Variants in INPP4A observed in about 807,000 individuals in gnomAD.
INPP4A encodes the protein inositol polyphosphate-4-phosphatase, type I, 107kD.
A neutral mutation model predicts 119.8 loss-of-function variants in INPP4A; 33 were observed. The observed-to-expected ratio is 0.28, with a 90% confidence interval of 0.21 to 0.37. The LOEUF (loss-of-function observed/expected upper bound fraction) is 0.37. Among genes scored for constraint, INPP4A ranks in the 10% least tolerant of loss-of-function variants. The pLI is 1.00. For missense variants in INPP4A, 956 were observed against 1,289.9 expected (o/e 0.74, Z 3.97); for synonymous variants, 496 against 500.7 (o/e 0.99, Z 0.12).
rs1700412840 is a variant in INPP4A, at chr2:98,591,709, G to C, written c.*4101G>C. ...CCAGGGAGGCTTTGCGCTGGAGGAAGGTAAGAGGAGCTGGAGGTTGGAGCT... is the reference window on the plus strand; with the variant it reads ...CCAGGGAGGCTTTGCGCTGGAGGAACGTAAGAGGAGCTGGAGGTTGGAGCT... On this transcript the variant is annotated 3_prime_UTR_variant, in exon 25 of 25. Transcript: ENST00000409851. 1 of 152,328 alleles carries C rather than the reference G, an allele frequency of 6.6e-6. No individual in the cohort carries two copies. Among genetic ancestry groups the C allele is most frequent in the Admixed American group, 6.5e-5 (1 of 15,288 alleles). 9.4% of individuals were successfully genotyped at this position (152,328 alleles called of 1,614,324 possible). A position where few individuals can be genotyped will look rare whatever the true frequency, so the allele number is the denominator to read the frequency against.
chr2:98,451,472 T>A (rs1695213322), intron 1 of INPP4A, among the ~76,000 whole-genome samples: 1 of 152,116 alleles, frequency 6.6e-6, no homozygotes, highest in African/African-American at 2.4e-5. Flanking sequence ...GTTTACCCGC[T>A]GCCAGCTCCG....
intron 1 of INPP4A, among the ~76,000 whole-genome samples, chr2:98,453,475 G>C (rs544492270): frequency 6.6e-6 from 1 of 152,162 alleles, no homozygotes; most frequent in Non-Finnish European, 1.5e-5. Context: ...TGTATTTGGG[G>C]TGTTGTTATG....
chr2:98,495,535 A>T (rs1243010066), intron 1 of INPP4A, among the ~76,000 whole-genome samples: 1 of 152,196 alleles, frequency 6.6e-6, no homozygotes, highest in Non-Finnish European at 1.5e-5. Flanking sequence ...TCAGGCTACA[A>T]CTTAGTTTTA....
intron 7 of INPP4A, among the ~76,000 whole-genome samples, chr2:98,537,438 T>C (rs768720183): frequency 4.6e-5 from 7 of 152,202 alleles, no homozygotes; most frequent in Non-Finnish European, 8.8e-5. Flanking sequence ...TGGGCTAATA[T>C]AAGCCTCAAG....
At chr2:98,489,581 C>G (rs1002223313) in intron 1 of INPP4A, among the ~76,000 whole-genome samples, 48 of 152,198 alleles carry the variant, frequency 3.2e-4, no homozygotes, top group South Asian at 8.3e-4. Flanking sequence ...AGTATAGGGT[C>G]TTTTATCCTG....
chr2:98,507,462 G>A lies in INPP4A; in HGVS notation c.-165-11502G>A, dbSNP rs140360994. On this transcript the variant is annotated intron_variant, in intron 1 of 24. Coordinates refer to ENST00000409851, the MANE Select transcript of INPP4A (RefSeq NM_001134225.2). ...CGTGCTGTAGGGAAATCTCCATTTG[G>A]TTACTGAAAGTTGTGATGGATTGAA... Among the ~76,000 whole-genome samples the A allele has an allele frequency of 6.6e-3, 1,005 of 152,244 alleles. 17 individuals carry two copies. Among genetic ancestry groups the A allele is most frequent in the African/African-American group, 0.023 (941 of 41,540 alleles).
chr2:98,502,570 C>T (rs548472108), intron 1 of INPP4A, among the ~76,000 whole-genome samples: 8 of 152,136 alleles, frequency 5.3e-5, no homozygotes, highest in African/African-American at 1.9e-4. Context: ...TCAATGTATT[C>T]TCTCCCTCTC....
At chr2:98,504,143 G>C (rs1683622419) in intron 1 of INPP4A, among the ~76,000 whole-genome samples, 1 of 152,238 alleles carries the variant, frequency 6.6e-6, no homozygotes. Context: ...AGGACTGCCA[G>C]TGGGGGTCCT....
chr2:98,555,497 A>G lies in INPP4A; in HGVS notation c.1567-56A>G, dbSNP rs1204185472. The G allele has an allele frequency of 3.2e-6, 5 of 1,541,180 alleles. No homozygotes were observed. In the East Asian group the frequency reaches 6.8e-5, roughly 21 times the overall value. On this transcript the variant is annotated intron_variant, in intron 15 of 24. Coordinates refer to ENST00000409851, the MANE Select transcript of INPP4A (RefSeq NM_001134225.2). ...AGTGGAGGGCGATTTGGTTTGTGTT[A>G]TGTTTGTGTTTCTGTTCGGGAGAGC...
chr2:98,587,029 G>A (rs763892606), intron 24 of INPP4A, among the ~76,000 whole-genome samples: 1 of 152,232 alleles, frequency 6.6e-6, no homozygotes, highest in Non-Finnish European at 1.5e-5. Flanking sequence ...TGAATTTGAT[G>A]TGATTACAGC....
At chr2:98,548,651 A>T (rs1692922959) in intron 13 of INPP4A, among the ~76,000 whole-genome samples, 1 of 152,162 alleles carries the variant, frequency 6.6e-6, no homozygotes, top group Non-Finnish European at 1.5e-5. Flanking sequence ...TTTCTATTTA[A>T]TTTCTCACTA....
chr2:98,558,069 G>A (rs991056877), intron 16 of INPP4A, among the ~76,000 whole-genome samples: 8 of 152,200 alleles, frequency 5.3e-5, no homozygotes, highest in African/African-American at 1.9e-4. Flanking sequence ...GTCCAGAGTG[G>A]TCACCTATTC....
At chr2:98,538,767 A>T in intron 8 of INPP4A, 124 bp from the exon 9 acceptor site, 1 of 604,748 alleles carries the variant, frequency 1.7e-6, no homozygotes, top group Non-Finnish European at 3.0e-6. Context: ...TTTATTGTAG[A>T]GTTCATGGTG....
Position 98,553,446 on chromosome 2 carries a change from A to G in INPP4A, c.1347+477A>G, listed in dbSNP as rs144583357. Among the ~76,000 whole-genome samples, 883 of 152,334 alleles carry G rather than the reference A, an allele frequency of 5.8e-3. 4 individuals are homozygous for G. The highest frequency in any genetic ancestry group is 0.018 in the South Asian group (87 of 4,828). ...CATAACTTGATCCTGGTTTTAAAAT[A>G]TGTAAGTATTAATCCCTACTGAGGA... is the stretch of plus-strand genomic sequence containing the variant. On this transcript the variant is annotated intron_variant, in intron 14 of 24. Transcript: ENST00000409851.
At chr2:98,467,825 C>T (rs1256166474) in intron 1 of INPP4A, among the ~76,000 whole-genome samples, 2 of 152,036 alleles carry the variant, frequency 1.3e-5, no homozygotes, top group East Asian at 3.8e-4. Flanking sequence ...TATCTATTAT[C>T]TAATTATTAT....
intron 1 of INPP4A, among the ~76,000 whole-genome samples, chr2:98,474,863 T>G (rs1270177378): frequency 6.6e-6 from 1 of 152,170 alleles, no homozygotes; most frequent in Non-Finnish European, 1.5e-5. Context: ...TATTTTTAAT[T>G]AATCACTTAA....
intron 1 of INPP4A, among the ~76,000 whole-genome samples, chr2:98,480,834 G>C (rs1198237711): frequency 6.6e-6 from 1 of 152,248 alleles, no homozygotes; most frequent in East Asian, 1.9e-4. Context: ...CAGGGCGCGT[G>C]TGTCCGTCTC....
intron 13 of INPP4A, among the ~76,000 whole-genome samples, chr2:98,550,062 G>T (rs1433402145): frequency 1.3e-5 from 2 of 152,034 alleles, no homozygotes; most frequent in African/African-American, 2.4e-5. Flanking sequence ...CCAAGGAGCT[G>T]CCCCCAAGGC....
intron 13 of INPP4A, chr2:98,552,537 A>G: frequency 1.6e-6 from 1 of 621,470 alleles, no homozygotes. Flanking sequence ...ATACACAAGT[A>G]AAAATACAGA....
Sources: allele counts gnomAD v4.1 joint callset (sites outside exome capture counted in the v4.1 genomes callset), GRCh38; gene constraint gnomAD v4.1.1; transcripts MANE v1.5; gene names NCBI Gene and HGNC (gene_info 2026-07-23, HGNC 2026-07-21).